ADGRD1: variants seen among roughly 807,000 people sequenced by gnomAD.
ADGRD1 encodes adhesion G protein-coupled receptor D1.
Under a neutral mutation model 113.4 loss-of-function variants are expected in ADGRD1, and 77 were observed. The ratio of observed to expected loss-of-function variants is 0.68; its 90% CI spans 0.57 to 0.82. ADGRD1 has a LOEUF of 0.82. ADGRD1 is among the 40% of genes least tolerant of loss of function. ADGRD1 has a pLI of 0.00. For missense variants in ADGRD1, 1,036 were observed against 1,139.1 expected (o/e 0.91, Z 1.30); for synonymous variants, 474 against 475.0 (o/e 1.00, Z 0.03).
chr12:131,139,346 A>G lies in ADGRD1; in HGVS notation c.*83A>G, dbSNP rs1951190647. 2.2e-6 allele frequency: 2 copies of G among 927,740 alleles called. No individual in the cohort carries two copies. Among genetic ancestry groups the G allele is most frequent in the Non-Finnish European group, 3.4e-6 (2 of 594,658 alleles). 57.5% of individuals were successfully genotyped at this position (927,740 alleles called of 1,614,324 possible). On this transcript the variant is annotated 3_prime_UTR_variant, in exon 25 of 25. Coordinates refer to ENST00000261654, the MANE Select transcript of ADGRD1 (RefSeq NM_198827.5). ...TGAAATGCCCCACCTTTGCCCATGGACCCTCTCCTTGCTGCTGTCTGGACA... is the reference window on the plus strand; with the variant it reads ...TGAAATGCCCCACCTTTGCCCATGGGCCCTCTCCTTGCTGCTGTCTGGACA...
chr12:130,996,070 G>GT (rs1875275275), intron 8 of ADGRD1, among the ~76,000 whole-genome samples: 1 of 152,190 alleles, frequency 6.6e-6, no homozygotes, highest in Non-Finnish European at 1.5e-5. Flanking sequence ...CACAGCACAT[G>GT]TTTCAGAGAG....
At position 131,131,778 on chromosome 12, in the gene ADGRD1, C is replaced by A. The variant is rs752708679; in HGVS notation, c.2229C>A (p.Ala743=). Residue 743 remains alanine (A), a synonymous_variant, in exon 21 of 25, where the codon GCC becomes GCA. Coordinates refer to ENST00000261654, the MANE Select transcript of ADGRD1 (RefSeq NM_198827.5). The part of the protein sequence containing the change: ...AVTRVISQIS[A]DNYKIHGDPS... The stretch of plus-strand genomic sequence containing the variant: ...CCAGAGTCATCTCACAGATCAGCGC[C>A]GACAACTACAAGATCCATGGAGACC... 2 of 1,613,150 alleles carry A rather than the reference C, an allele frequency of 1.2e-6. No individual in the cohort carries two copies. Among genetic ancestry groups the A allele is most frequent in the Non-Finnish European group, 1.7e-6 (2 of 1,179,424 alleles).
chr12:131,084,478 C>G lies in ADGRD1; in HGVS notation c.1548-62C>G. On this transcript the variant is annotated intron_variant, in intron 14 of 24. Coordinates refer to ENST00000261654, the MANE Select transcript of ADGRD1 (RefSeq NM_198827.5). This position sits in a 1 kb window ranked among gnomAD's most constrained non-coding sequence, Gnocchi z 4.5. ...CATGTGTTATGGGGGGTGCTGCTCT[C>G]AGTCCCCTGCCTGCCAAGGGTGCGG... The G allele has an allele frequency of 6.3e-7, 1 of 1,599,886 alleles. No homozygotes were observed. Among genetic ancestry groups the G allele is most frequent in the South Asian group, 1.1e-5 (1 of 90,590 alleles).
Position 131,015,758 on chromosome 12 carries a change from C to T in ADGRD1, c.1473+1418C>T, listed in dbSNP as rs184447737. On this transcript the variant is annotated intron_variant, in intron 13 of 24. Transcript: ENST00000261654. ...AGTGTGTCCCCTGCCTTGCTTCCTC[C>T]GCCCCTCCCGGTGTCCCTCTCCTTC... is the stretch of plus-strand genomic sequence containing the variant. Among the ~76,000 whole-genome samples, 1,160 of 152,308 alleles carry T rather than the reference C, an allele frequency of 7.6e-3. 7 individuals carry two copies. The highest frequency in any genetic ancestry group is 0.013 in the Non-Finnish European group (856 of 68,022).
At chr12:130,987,690 G>T in intron 6 of ADGRD1, 1 of 334,398 alleles carries the variant, frequency 3.0e-6, no homozygotes, top group South Asian at 3.1e-5. Context: ...TGCCTCCCAG[G>T]GGATGGGCCC....
rs148017957 is a variant in ADGRD1 at position 130,992,306 on chromosome 12, G to A, written c.880G>A (p.Gly294Arg). ...AGAGAGAAAAACCTTCCAAAGTCCC[G>A]GAGTGATACTGAGTTACCTCCAAAA... Reference protein sequence around the residue: ...TEERKTFQSPGVILSYLQNVS... With the variant: ...TEERKTFQSPRVILSYLQNVS... The change falls in exon 8 of 25, where the codon GGA becomes AGA. Residue 294 changes from glycine (G) to arginine (R), a missense_variant. Gly to Arg is a moderately radical substitution (Grantham distance 125). Coordinates refer to ENST00000261654, the MANE Select transcript of ADGRD1 (RefSeq NM_198827.5). The A allele has an allele frequency of 1.9e-5, 31 of 1,612,672 alleles. No homozygotes were observed. In the African/African-American group the frequency reaches 2.0e-4, roughly 10 times the overall value.
chr12:131,095,290 G>A (rs76753205), intron 15 of ADGRD1, among the ~76,000 whole-genome samples: 2,058 of 152,368 alleles, frequency 0.014, 44 homozygotes, highest in African/African-American at 0.046. Flanking sequence ...GCAGGGAGAC[G>A]TAGCTTCAAG....
chr12:131,002,257 T>G, intron 9 of ADGRD1, among the ~76,000 whole-genome samples: 1 of 152,246 alleles, frequency 6.6e-6, no homozygotes, highest in East Asian at 1.9e-4. Flanking sequence ...CTGTCCAGAC[T>G]CAGGCAGGGT....
intron 15 of ADGRD1, among the ~76,000 whole-genome samples, chr12:131,093,406 G>A (rs1028322900): frequency 3.3e-5 from 5 of 152,218 alleles, no homozygotes; most frequent in South Asian, 2.1e-4. Context: ...AGGCAGGAAC[G>A]GCAGTGCAGC....
chr12:131,002,458 G>A, intron 9 of ADGRD1: 2 of 935,158 alleles, frequency 2.1e-6, no homozygotes, highest in Non-Finnish European at 2.6e-6. Flanking sequence ...GCGTGTTTGT[G>A]GGAGAATGCT....
intron 13 of ADGRD1, chr12:131,035,592 G>A (rs967894500): frequency 9.9e-5 from 15 of 151,682 alleles, no homozygotes; most frequent in African/African-American, 3.1e-4. Context: ...CCACTGAGCC[G>A]AGACACAGCT....
intron 15 of ADGRD1, among the ~76,000 whole-genome samples, chr12:131,097,081 C>T (rs1055960289): frequency 1.3e-5 from 2 of 152,186 alleles, no homozygotes; most frequent in East Asian, 3.9e-4. Context: ...CCTGGGCCAC[C>T]TCACTACCCC....
In ADGRD1 at chr12:131,041,344, G is replaced by A. The variant is rs1882107593; in HGVS notation, c.1473+27004G>A. On this transcript the variant is annotated intron_variant, in intron 13 of 24. Transcript: ENST00000261654. This position sits in a 1 kb window ranked among gnomAD's most constrained non-coding sequence, Gnocchi z 4.4. ...GCCCTGGAAGGAGGAAGTTGTCTGG[G>A]GAGAAGAAGAGCAGGTGTGGACAGG... is the stretch of plus-strand genomic sequence containing the variant. Among the ~76,000 whole-genome samples the A allele has an allele frequency of 6.6e-6, 1 of 152,142 alleles. No individual in the cohort carries two copies. The highest frequency in any genetic ancestry group is 1.5e-5 in the Non-Finnish European group (1 of 68,038).
intron 21 of ADGRD1, among the ~76,000 whole-genome samples, chr12:131,132,558 T>C (rs1318441215): frequency 6.6e-6 from 1 of 152,216 alleles, no homozygotes; most frequent in Non-Finnish European, 1.5e-5. Context: ...GCATCCTTAG[T>C]GTTGGCTTCA....
chr12:130,960,552 TG>T (rs1672626110), intron 2 of ADGRD1, among the ~76,000 whole-genome samples: 1 of 124,912 alleles, frequency 8.0e-6, no homozygotes, highest in Admixed American at 8.0e-5. Flanking sequence ...CTATGTTTAT[TG>T]ATTTATTTAT....
intron 9 of ADGRD1, chr12:131,002,717 G>A: frequency 8.1e-7 from 1 of 1,240,464 alleles, no homozygotes; most frequent in South Asian, 1.4e-5. Context: ...GCCAGAGATA[G>A]CTCTGGGTGC....
intron 13 of ADGRD1, among the ~76,000 whole-genome samples, chr12:131,015,739 T>A (rs2136825499): frequency 6.6e-6 from 1 of 152,314 alleles, no homozygotes; most frequent in South Asian, 2.1e-4. Flanking sequence ...TTTCAGTGTG[T>A]CCCCTGCCTT....
chr12:131,077,213 C>G (rs1057202079), intron 14 of ADGRD1, among the ~76,000 whole-genome samples: 10 of 151,704 alleles, frequency 6.6e-5, no homozygotes, highest in Admixed American at 2.6e-4. Flanking sequence ...GGCTGTCCCC[C>G]TCGAGGGTCT....
At chr12:131,017,545 C>A (rs1878746481) in intron 13 of ADGRD1, among the ~76,000 whole-genome samples, 1 of 150,310 alleles carries the variant, frequency 6.7e-6, no homozygotes, top group Admixed American at 6.6e-5. Context: ...ACCCAGTGCA[C>A]ACACACTCAC....
Sources: allele counts gnomAD v4.1 joint callset (sites outside exome capture counted in the v4.1 genomes callset), GRCh38; gene constraint gnomAD v4.1.1; non-coding constraint Gnocchi (gnomAD v3.1); transcripts MANE v1.5; gene names NCBI Gene and HGNC (gene_info 2026-07-23, HGNC 2026-07-21).